KLHL11: variants seen among roughly 807,000 people sequenced by gnomAD.
KLHL11 encodes kelch like family member 11.
A neutral mutation model predicts 56.1 loss-of-function variants in KLHL11; 26 were observed. The observed-to-expected ratio is 0.46, with a 90% CI of 0.34 to 0.64. KLHL11 has a LOEUF of 0.64. KLHL11 is among the 30% of genes least tolerant of loss of function. The pLI is 0.01. For synonymous variants in KLHL11, 338 were observed against 345.8 expected (o/e 0.98, Z 0.25); for missense variants, 627 against 919.4 (o/e 0.68, Z 4.11).
intron 1 of KLHL11, 125 bp downstream of exon 1, chr17:41,864,701 G>A (rs895067182): frequency 1.1e-5 from 11 of 1,025,426 alleles, no homozygotes; most frequent in Non-Finnish European, 1.5e-5. Context: ...CTCAGCGAGT[G>A]TGAAACCAAT....
chr17:41,862,620 T>G (rs2144164803), intron 1 of KLHL11, among the ~76,000 whole-genome samples: 2 of 152,220 alleles, frequency 1.3e-5, no homozygotes, highest in Middle Eastern at 6.8e-3. Flanking sequence ...TTCATCATGT[T>G]GGCCAGGCTG....
rs782503809 is a variant in KLHL11, at chr17:41,864,681, C to CA, written c.545+144dup. On this transcript the variant is annotated intron_variant, in intron 1 of 1. Transcript: ENST00000319121. The stretch of plus-strand genomic sequence containing the variant: ...CCTCGCCCACCGCGGTGGCTGCCCC[C>CA]AAGCAGGCGCTCAGCGAGTGTGAAA... 249 of 914,226 alleles carry CA rather than the reference C, an allele frequency of 2.7e-4. 1 individual carries two copies. Among genetic ancestry groups the CA allele is most frequent in the Non-Finnish European group, 3.5e-4 (234 of 659,758 alleles). The allele number at this position is 914,226 out of a possible 1,614,324, so 56.6% of individuals were successfully genotyped here.
In KLHL11 at chr17:41,852,778, CAAA is replaced by C. The variant is rs1189323899; in HGVS notation, c.*959_*961del. 2.2e-4 allele frequency among the ~76,000 whole-genome samples: 11 copies of C among 49,686 alleles called. No homozygotes were observed. The highest frequency in any genetic ancestry group is 2.7e-4 in the Non-Finnish European group (6 of 22,004). 32.6% of individuals were successfully genotyped at this position (49,686 alleles called of 152,430 possible). Reference sequence around the variant, plus strand: ...TGCACTCCAGCCTGGGCAACATGAGCAAAAAAAAAAAAAAAAAGAGAAAAGGAA... The same window carrying C: ...TGCACTCCAGCCTGGGCAACATGAGCAAAAAAAAAAAAAAGAGAAAAGGAA... On this transcript the variant is annotated 3_prime_UTR_variant, in exon 2 of 2. Coordinates refer to ENST00000319121, the MANE Select transcript of KLHL11 (RefSeq NM_018143.3).
At chr17:41,864,140 T>G (rs1385239145) in intron 1 of KLHL11, among the ~76,000 whole-genome samples, 2 of 152,234 alleles carry the variant, frequency 1.3e-5, no homozygotes, top group African/African-American at 4.8e-5. Context: ...AACAAACGCC[T>G]CTCCATCTCT....
chr17:41,865,266 T>G lies in KLHL11; in HGVS notation c.105A>C (p.Gly35=), dbSNP rs782242155. ...CGCTGCCTCGGACCTCGGCGGCCAG[T>G]CCTGCCGAGCCGGCGGCGGCCGTCT... ...SMETAAAGSA[G]LAAEVRGSGT... is the part of the protein sequence containing the mutation. The change falls in exon 1 of 2, where the codon GGA becomes GGC. Residue 35 remains glycine, a synonymous_variant. Coordinates refer to ENST00000319121, the MANE Select transcript of KLHL11 (RefSeq NM_018143.3). The G allele has an allele frequency of 1.3e-6, 2 of 1,576,018 alleles. No homozygotes were observed. Among genetic ancestry groups the G allele is most frequent in the East Asian group, 4.7e-5 (2 of 42,854 alleles).
At position 41,865,270 on chromosome 17, in the gene KLHL11, G is replaced by A; in HGVS notation, c.101C>T (p.Ala34Val). The part of the protein sequence containing the change: ...ESMETAAAGS[A>V]GLAAEVRGSG... Reference sequence around the variant, plus strand: ...GCCTCGGACCTCGGCGGCCAGTCCTGCCGAGCCGGCGGCGGCCGTCTCCAT... The same window carrying A: ...GCCTCGGACCTCGGCGGCCAGTCCTACCGAGCCGGCGGCGGCCGTCTCCAT... Residue 34 changes from alanine to valine, a missense_variant, in exon 1 of 2, where the codon GCA becomes GTA. By Grantham distance (64) the Ala-to-Val change is moderately conservative. Coordinates refer to ENST00000319121, the MANE Select transcript of KLHL11 (RefSeq NM_018143.3). 6.4e-7 allele frequency: 1 copy of A among 1,574,410 alleles called. No homozygotes were observed. Among genetic ancestry groups the A allele is most frequent in the Non-Finnish European group, 8.6e-7 (1 of 1,167,086 alleles).
At chr17:41,861,802 C>G (rs1054327672) in intron 1 of KLHL11, among the ~76,000 whole-genome samples, 3 of 151,686 alleles carry the variant, frequency 2.0e-5, no homozygotes, top group African/African-American at 7.3e-5. Flanking sequence ...AAGGACTTTA[C>G]TCCTGCAATT....
In KLHL11 at chr17:41,853,496, T is replaced by G. The variant is rs969886024; in HGVS notation, c.*244A>C. On this transcript the variant is annotated 3_prime_UTR_variant, in exon 2 of 2. Coordinates refer to ENST00000319121, the MANE Select transcript of KLHL11 (RefSeq NM_018143.3). ...TACACCTGATTTTTCCACTTGTCCT[T>G]AATAAGATCTTATTTAGCTAGCACA... 2.5e-5 allele frequency: 10 copies of G among 400,134 alleles called. No homozygotes were observed. In the Admixed American group the frequency reaches 2.9e-4, roughly 12 times the overall value. The allele number at this position is 400,134 out of a possible 1,614,324, so 24.8% of individuals were successfully genotyped here.
intron 1 of KLHL11, among the ~76,000 whole-genome samples, chr17:41,862,888 C>T (rs569445307): frequency 1.3e-5 from 2 of 152,272 alleles, no homozygotes; most frequent in South Asian, 4.1e-4. Flanking sequence ...TTAACCAAAT[C>T]CAAAAACTCC....
rs1786376047 is a variant in KLHL11 at position 41,851,249 on chromosome 17, C to T, written c.*2491G>A. 3 of 152,060 alleles carry T rather than the reference C, an allele frequency of 2.0e-5. 1 individual carries two copies. The South Asian group carries it at 6.2e-4, about 32-fold the overall frequency. 9.4% of individuals were successfully genotyped at this position (152,060 alleles called of 1,614,324 possible). ...ACATCTTAAAAAACCAAAACAACAA[C>T]AAAAACAAGAAAACCACATTGTAAA... On this transcript the variant is annotated 3_prime_UTR_variant, in exon 2 of 2. Coordinates refer to ENST00000319121, the MANE Select transcript of KLHL11 (RefSeq NM_018143.3).
chr17:41,859,362 G>A (rs1373145286), intron 1 of KLHL11, among the ~76,000 whole-genome samples: 2 of 152,018 alleles, frequency 1.3e-5, no homozygotes, highest in East Asian at 1.9e-4. Flanking sequence ...TCAGGAGTTC[G>A]AGACCACCCT....
intron 1 of KLHL11, among the ~76,000 whole-genome samples, chr17:41,859,057 T>C (rs1416959613): frequency 3.3e-5 from 5 of 152,158 alleles, no homozygotes; most frequent in African/African-American, 9.7e-5. Context: ...TCCAGGATCA[T>C]AGATTCAAGT....
chr17:41,854,173 C>G lies in KLHL11; in HGVS notation c.1694G>C (p.Cys565Ser). The G allele has an allele frequency of 6.2e-7, 1 of 1,614,108 alleles. No individual in the cohort carries two copies. The highest frequency in any genetic ancestry group is 8.5e-7 in the Non-Finnish European group (1 of 1,179,994). Residue 565 changes from cysteine (C) to serine (S), a missense_variant, in exon 2 of 2, where the codon TGT becomes TCT. Transcript: ENST00000319121. The surrounding 1 kb of genome is among the most constrained non-coding windows in gnomAD (Gnocchi z 4.9). ...GTTTTCTAAACAATAACTCTTGGGA[C>G]AACATGATGCTGTCTGATAAAAGTT... The part of the protein sequence containing the change: ...NSNFYQTASC[C>S]PKSYCLENEE...
Position 41,852,879 on chromosome 17 carries a change from G to C in KLHL11, c.*861C>G, listed in dbSNP as rs1166769233. Reference sequence around the variant, plus strand: ...AGGCATTGAGTGTCGATTGTCATAGGCATTATTTACACTCATTAACATATC... The same window carrying C: ...AGGCATTGAGTGTCGATTGTCATAGCCATTATTTACACTCATTAACATATC... On this transcript the variant is annotated 3_prime_UTR_variant, in exon 2 of 2. Transcript: ENST00000319121. Among the ~76,000 whole-genome samples the C allele has an allele frequency of 1.3e-5, 2 of 151,868 alleles. No homozygotes were observed. Among genetic ancestry groups the C allele is most frequent in the Non-Finnish European group, 2.9e-5 (2 of 67,998 alleles).
At position 41,854,991 on chromosome 17, in the gene KLHL11, G is replaced by C. The variant is rs2048356216; in HGVS notation, c.876C>G (p.Leu292=). 6.2e-7 allele frequency: 1 copy of C among 1,614,090 alleles called. No individual in the cohort carries two copies. Among genetic ancestry groups the C allele is most frequent in the Non-Finnish European group, 8.5e-7 (1 of 1,179,994 alleles). ...ERYFEELFKL[L]RLSQMKPTYL... ...AGGTAGGTTTCATCTGGGACAACCT[G>C]AGCAATTTAAAAAGTTCTTCAAAGT... The change falls in exon 2 of 2, where the codon CTC becomes CTG. Residue 292 remains leucine (L), a synonymous_variant. Coordinates refer to ENST00000319121, the MANE Select transcript of KLHL11 (RefSeq NM_018143.3). The surrounding 1 kb of genome is among the most constrained non-coding windows in gnomAD (Gnocchi z 4.9).
Position 41,865,363 on chromosome 17 carries a change from G to T in KLHL11, c.8C>A (p.Ala3Asp). MA[A>D]AAVAAAAAAA... ...CGCCGCCGCCGCCGCCACTGCCGCAGCCGCCATCTTGACGCCGCTGCGCCC... is the reference window on the plus strand; with the variant it reads ...CGCCGCCGCCGCCGCCACTGCCGCATCCGCCATCTTGACGCCGCTGCGCCC... The change falls in exon 1 of 2, where the codon GCT becomes GAT. Residue 3 changes from alanine (A) to aspartate (D), a missense_variant. Ala to Asp is a moderately radical substitution (Grantham distance 126, BLOSUM62 -2). Transcript: ENST00000319121. The T allele has an allele frequency of 7.0e-7, 1 of 1,436,376 alleles. No individual in the cohort carries two copies. The highest frequency in any genetic ancestry group is 9.0e-7 in the Non-Finnish European group (1 of 1,106,200). The allele number at this position is 1,436,376 out of a possible 1,614,324, so 89.0% of individuals were successfully genotyped here. A position where few individuals can be genotyped will look rare whatever the true frequency, so the allele number is the denominator to read the frequency against.
rs1419455019 is a variant in KLHL11, at chr17:41,852,904, C to T, written c.*836G>A. ...GCATTATTTACACTCATTAACATAT[C>T]CTCAAATAATCCTGCAACTCCTGAA... On this transcript the variant is annotated 3_prime_UTR_variant, in exon 2 of 2. Coordinates refer to ENST00000319121, the MANE Select transcript of KLHL11 (RefSeq NM_018143.3). Among the ~76,000 whole-genome samples, 1 of 151,994 alleles carries T rather than the reference C, an allele frequency of 6.6e-6. No homozygotes were observed. The highest frequency in any genetic ancestry group is 1.5e-5 in the Non-Finnish European group (1 of 68,008).
At position 41,853,646 on chromosome 17, in the gene KLHL11, A is replaced by G. The variant is rs1555622170; in HGVS notation, c.*94T>C. Reference sequence around the variant, plus strand: ...GGGTAATAATCAGTTCATGTAGAAAATAAGTTATCGACATACTTTTTTAAA... The same window carrying G: ...GGGTAATAATCAGTTCATGTAGAAAGTAAGTTATCGACATACTTTTTTAAA... On this transcript the variant is annotated 3_prime_UTR_variant, in exon 2 of 2. Transcript: ENST00000319121. The G allele has an allele frequency of 3.5e-6, 5 of 1,427,918 alleles. No individual in the cohort carries two copies. The highest frequency in any genetic ancestry group is 4.7e-6 in the Non-Finnish European group (5 of 1,063,956). The allele number at this position is 1,427,918 out of a possible 1,614,324, so 88.5% of individuals were successfully genotyped here.
At chr17:41,856,401 C>T (rs558505369) in intron 1 of KLHL11, among the ~76,000 whole-genome samples, 3 of 152,080 alleles carry the variant, frequency 2.0e-5, no homozygotes, top group Non-Finnish European at 2.9e-5. Flanking sequence ...CTCTGCTTCC[C>T]AAAGTGTTTG....
Sources: allele counts gnomAD v4.1 joint callset (sites outside exome capture counted in the v4.1 genomes callset), GRCh38; gene constraint gnomAD v4.1.1; non-coding constraint Gnocchi (gnomAD v3.1); transcripts MANE v1.5; gene names NCBI Gene and HGNC (gene_info 2026-07-23, HGNC 2026-07-21).